Variants in ZCWPW2 observed in about 807,000 individuals in gnomAD.
The protein encoded by ZCWPW2 is zinc finger CW-type PWWP domain protein 2.
ZCWPW2 carries 45 observed loss-of-function variants against 46.6 expected under a neutral mutation model. The ratio of observed to expected loss-of-function variants is 0.96; its 90% confidence interval spans 0.76 to 1.24. ZCWPW2 has a LOEUF of 1.24. Ranked by LOEUF, ZCWPW2 falls within the 50% of genes most tolerant of loss-of-function variation. The pLI is 0.00. For synonymous variants in ZCWPW2, 152 were observed against 137.1 expected (o/e 1.11, Z -0.76); for missense variants, 429 against 403.9 (o/e 1.06, Z -0.53).
intron 6 of ZCWPW2, among the ~76,000 whole-genome samples, chr3:28,498,856 G>GT (rs1427657020): frequency 6.6e-6 from 1 of 151,794 alleles, no homozygotes; most frequent in Non-Finnish European, 1.5e-5. Context: ...GTGTCCACGT[G>GT]TTCATTGTTC....
intron 3 of ZCWPW2, among the ~76,000 whole-genome samples, chr3:28,414,072 AT>A (rs1195796808): frequency 2.0e-5 from 3 of 152,048 alleles, no homozygotes; most frequent in Admixed American, 6.6e-5. Flanking sequence ...GGTTTATTAA[AT>A]TATAACCTAT....
Position 28,410,867 on chromosome 3 carries a change from A to T in ZCWPW2, c.-13-2189A>T, listed in dbSNP as rs190898031. ...AATTCTGGTTGTTTAATAAACTCTG[A>T]CAAGATAAATGAAGAAAAAAAGAGA... On this transcript the variant is annotated intron_variant, in intron 2 of 9. Transcript: ENST00000383768. Among the ~76,000 whole-genome samples, 15 of 152,092 alleles carry T rather than the reference A, an allele frequency of 9.9e-5. 1 individual carries two copies. Among genetic ancestry groups the T allele is most frequent in the African/African-American group, 3.6e-4 (15 of 41,582 alleles).
At chr3:28,390,088 T>C (rs1206813711) in intron 1 of ZCWPW2, among the ~76,000 whole-genome samples, 1 of 152,210 alleles carries the variant, frequency 6.6e-6, no homozygotes, top group East Asian at 1.9e-4. Flanking sequence ...ACATCCTCCA[T>C]TTCCCAGTTT....
intron 3 of ZCWPW2, among the ~76,000 whole-genome samples, chr3:28,424,360 A>G (rs1454858551): frequency 6.6e-6 from 1 of 152,026 alleles, no homozygotes; most frequent in African/African-American, 2.4e-5. Context: ...CATATGTTGG[A>G]GTCCAACCCT....
chr3:28,396,326 T>C (rs746789131), intron 2 of ZCWPW2, among the ~76,000 whole-genome samples: 19 of 152,314 alleles, frequency 1.2e-4, no homozygotes, highest in Middle Eastern at 3.4e-3. Flanking sequence ...ATTTAATCCA[T>C]ATCGTTAGAA....
intron 8 of ZCWPW2, among the ~76,000 whole-genome samples, chr3:28,518,453 C>A (rs1700637290): frequency 6.6e-6 from 1 of 152,106 alleles, no homozygotes; most frequent in South Asian, 2.1e-4. Context: ...TTTTTAACTT[C>A]ATTTACAATA....
At chr3:28,355,720 G>T (rs2125688356) in intron 1 of ZCWPW2, among the ~76,000 whole-genome samples, 1 of 152,330 alleles carries the variant, frequency 6.6e-6, no homozygotes, top group Admixed American at 6.5e-5. Context: ...TCTGATCTTT[G>T]ACAAACCTGA....
chr3:28,480,312 G>C (rs1326564285), intron 5 of ZCWPW2, among the ~76,000 whole-genome samples: 1 of 152,170 alleles, frequency 6.6e-6, no homozygotes, highest in African/African-American at 2.4e-5. Flanking sequence ...GTTCTCTAAT[G>C]ATCAGTGATG....
chr3:28,453,935 C>T (rs1461703574), intron 4 of ZCWPW2, among the ~76,000 whole-genome samples: 1 of 151,354 alleles, frequency 6.6e-6, no homozygotes, highest in Admixed American at 6.6e-5. Context: ...AGCTCCGCCT[C>T]CCGGGTTCAC....
At chr3:28,482,773 T>C (rs944559221) in intron 5 of ZCWPW2, among the ~76,000 whole-genome samples, 3 of 152,196 alleles carry the variant, frequency 2.0e-5, no homozygotes, top group African/African-American at 7.2e-5. Context: ...TCCTTTCATA[T>C]ACTTATTTGC....
chr3:28,388,317 A>G (rs1245478190), intron 1 of ZCWPW2, among the ~76,000 whole-genome samples: 2 of 152,170 alleles, frequency 1.3e-5, no homozygotes, highest in Non-Finnish European at 2.9e-5. Context: ...AAAATTAGCT[A>G]TCACAAGTCC....
intron 4 of ZCWPW2, among the ~76,000 whole-genome samples, chr3:28,465,999 A>T: frequency 6.6e-6 from 1 of 152,192 alleles, no homozygotes; most frequent in Non-Finnish European, 1.5e-5. Context: ...CGTAGCCATA[A>T]AAAGAACAAA....
chr3:28,354,264 A>G (rs1448028869), intron 1 of ZCWPW2, among the ~76,000 whole-genome samples: 3 of 151,780 alleles, frequency 2.0e-5, no homozygotes, highest in Non-Finnish European at 4.4e-5. Context: ...GAAGAAATGG[A>G]TAAATTCCTG....
rs1013129983 is a variant in ZCWPW2 at position 28,440,714 on chromosome 3, G to A, written c.492+5445G>A. ...ACGCTTCTTTAGCTGTAAAGTGAGT[G>A]CCTTGGTCGGAGGCAATGCTGTGTG... On this transcript the variant is annotated intron_variant, in intron 4 of 9. Coordinates refer to ENST00000383768, the MANE Select transcript of ZCWPW2 (RefSeq NM_001040432.4). Among the ~76,000 whole-genome samples, 164 of 152,192 alleles carry A rather than the reference G, an allele frequency of 1.1e-3. 1 individual carries two copies. Among genetic ancestry groups the A allele is most frequent in the African/African-American group, 3.6e-3 (151 of 41,444 alleles).
At chr3:28,362,541 C>A (rs1009642345) in intron 1 of ZCWPW2, among the ~76,000 whole-genome samples, 1 of 152,108 alleles carries the variant, frequency 6.6e-6, no homozygotes, top group South Asian at 2.1e-4. Flanking sequence ...TCCCACCAGT[C>A]AGAATGGCTA....
chr3:28,373,457 T>C (rs534839215), intron 1 of ZCWPW2, among the ~76,000 whole-genome samples: 1 of 152,020 alleles, frequency 6.6e-6, no homozygotes, highest in African/African-American at 2.4e-5. Flanking sequence ...TATGTTGTTT[T>C]TTTTTGTTTG....
At chr3:28,441,796 G>A (rs1697770431) in intron 4 of ZCWPW2, among the ~76,000 whole-genome samples, 1 of 152,082 alleles carries the variant, frequency 6.6e-6, no homozygotes. Flanking sequence ...TTCATGATAG[G>A]CAGTTTAGGT....
intron 4 of ZCWPW2, among the ~76,000 whole-genome samples, chr3:28,471,007 A>G (rs1281807678): frequency 1.3e-5 from 2 of 152,160 alleles, no homozygotes; most frequent in Non-Finnish European, 2.9e-5. Flanking sequence ...AAAATCTAGA[A>G]GAAATGGATA....
At chr3:28,379,449 C>T (rs541399512) in intron 1 of ZCWPW2, among the ~76,000 whole-genome samples, 1 of 152,242 alleles carries the variant, frequency 6.6e-6, no homozygotes, top group South Asian at 2.1e-4. Flanking sequence ...AAAAAATGCC[C>T]TTAAGAATGT....
Sources: allele counts gnomAD v4.1 joint callset (sites outside exome capture counted in the v4.1 genomes callset), GRCh38; gene constraint gnomAD v4.1.1; transcripts MANE v1.5; gene names NCBI Gene and HGNC (gene_info 2026-07-23, HGNC 2026-07-21).